Variants in GABRG3 observed in about 807,000 individuals in gnomAD.
GABRG3 encodes the protein gamma-aminobutyric acid type A receptor subunit gamma3.
GABRG3 carries 25 observed loss-of-function variants against 48.8 expected under a neutral mutation model. The ratio of observed to expected loss-of-function variants is 0.51; its 90% CI spans 0.37 to 0.72. The LOEUF (loss-of-function observed/expected upper bound fraction) is 0.72, where lower values mean the gene tolerates loss of function less well. GABRG3 is among the 30% of genes least tolerant of loss of function. The pLI is 0.00. For missense variants in GABRG3, 394 were observed against 577.9 expected, an observed-to-expected ratio of 0.68 and a Z score of 3.26; for synonymous variants, 227 against 217.6, an observed-to-expected ratio of 1.04 and a Z score of -0.38.
chr15:26,989,006 G>C (rs1369568121), intron 2 of GABRG3, among the ~76,000 whole-genome samples: 1 of 152,040 alleles, frequency 6.6e-6, no homozygotes, highest in Non-Finnish European at 1.5e-5. Context: ...CCATAATTTA[G>C]GTTTAGAACA....
At chr15:27,363,896 C>T (rs1895105600) in intron 5 of GABRG3, 1 of 152,148 alleles carries the variant, frequency 6.6e-6, no homozygotes, top group African/African-American at 2.4e-5. Flanking sequence ...AGTGTTTGAT[C>T]CTCTGGCCAT....
intron 3 of GABRG3, among the ~76,000 whole-genome samples, chr15:27,262,854 G>A (rs988737270): frequency 3.3e-5 from 5 of 152,286 alleles, no homozygotes; most frequent in Middle Eastern, 6.8e-3. Flanking sequence ...TGAGATAACA[G>A]AGAGTGCACT....
chr15:27,383,319 T>C (rs568556439), intron 5 of GABRG3, among the ~76,000 whole-genome samples: 1 of 152,356 alleles, frequency 6.6e-6, no homozygotes, highest in African/African-American at 2.4e-5. Flanking sequence ...AGGCCATTCT[T>C]TCGCTTGTTG....
At chr15:27,530,225 G>A (rs1891389785) in intron 9 of GABRG3, among the ~76,000 whole-genome samples, 1 of 152,174 alleles carries the variant, frequency 6.6e-6, no homozygotes, top group Admixed American at 6.5e-5. Context: ...CATGTCAAAT[G>A]CAAGGCTGAG....
At chr15:27,323,193 G>T (rs1403223524) in intron 3 of GABRG3, among the ~76,000 whole-genome samples, 1 of 152,144 alleles carries the variant, frequency 6.6e-6, no homozygotes, top group African/African-American at 2.4e-5. Context: ...TTAGTGGAGG[G>T]TCCTGTAATT....
At chr15:27,282,319 C>T (rs991234023) in intron 3 of GABRG3, among the ~76,000 whole-genome samples, 5 of 152,068 alleles carry the variant, frequency 3.3e-5, no homozygotes, top group Admixed American at 3.3e-4. Flanking sequence ...TTCTTCTCTC[C>T]TTTCTTGACT....
intron 5 of GABRG3, among the ~76,000 whole-genome samples, chr15:27,379,151 T>C (rs1213888086): frequency 6.6e-6 from 1 of 152,236 alleles, no homozygotes; most frequent in Non-Finnish European, 1.5e-5. Flanking sequence ...ACCTTTTCTT[T>C]TCTGCCTTTT....
In GABRG3 at chr15:27,380,763, GTTT is replaced by G. The variant is rs71132807; in HGVS notation, c.574+51891_574+51893del. Among the ~76,000 whole-genome samples, 142 of 115,186 alleles carry G rather than the reference GTTT, an allele frequency of 1.2e-3. 2 individuals carry two copies. Among genetic ancestry groups the G allele is most frequent in the African/African-American group, 4.2e-3 (128 of 30,800 alleles). The allele number at this position is 115,186 out of a possible 152,430, so 75.6% of individuals were successfully genotyped here. On this transcript the variant is annotated intron_variant, in intron 5 of 9. Transcript: ENST00000615808. ...TACGGGGGGAGAAGTGTTCTGTGTG[GTTT>G]TTTTTTTTTTTTTTTGAGACAGCGA...
At chr15:27,210,100 A>G (rs1889023371) in intron 3 of GABRG3, among the ~76,000 whole-genome samples, 1 of 152,208 alleles carries the variant, frequency 6.6e-6, no homozygotes. Flanking sequence ...AGTTTGGACC[A>G]TAACTATGGG....
At chr15:27,438,777 T>C (rs1364299968) in intron 5 of GABRG3, among the ~76,000 whole-genome samples, 1 of 152,202 alleles carries the variant, frequency 6.6e-6, no homozygotes, top group African/African-American at 2.4e-5. Context: ...TCAAAAATCA[T>C]CATGAGTACA....
intron 5 of GABRG3, among the ~76,000 whole-genome samples, chr15:27,463,666 T>C (rs1484805838): frequency 1.3e-5 from 2 of 152,110 alleles, no homozygotes; most frequent in African/African-American, 4.8e-5. Flanking sequence ...TGTGTCCATG[T>C]TTAGGATGTG....
intron 5 of GABRG3, among the ~76,000 whole-genome samples, chr15:27,384,393 A>G (rs1895862811): frequency 6.6e-6 from 1 of 152,194 alleles, no homozygotes; most frequent in South Asian, 2.1e-4. Flanking sequence ...CAGTCATCCT[A>G]TCACAAACCC....
At chr15:27,100,325 T>C (rs1897335000) in intron 3 of GABRG3, among the ~76,000 whole-genome samples, 1 of 152,128 alleles carries the variant, frequency 6.6e-6, no homozygotes, top group Non-Finnish European at 1.5e-5. Flanking sequence ...ATTAAGTAAT[T>C]GAATTAGTAA....
At chr15:27,157,640 G>C (rs1272148495) in intron 3 of GABRG3, 10 of 152,198 alleles carry the variant, frequency 6.6e-5, no homozygotes, top group African/African-American at 2.4e-5. Flanking sequence ...CACTGGGTAA[G>C]TTATCAGTCT....
At chr15:27,130,799 A>G (rs948925762) in intron 3 of GABRG3, among the ~76,000 whole-genome samples, 3 of 152,048 alleles carry the variant, frequency 2.0e-5, no homozygotes, top group African/African-American at 4.8e-5. Flanking sequence ...ATTGTTTCTT[A>G]ATTTTCTTTA....
In GABRG3 at chr15:27,420,285, A is replaced by G. The variant is rs1888071790; in HGVS notation, c.575-60365A>G. Among the ~76,000 whole-genome samples, 4 of 152,274 alleles carry G rather than the reference A, an allele frequency of 2.6e-5. 1 individual carries two copies. Among genetic ancestry groups the G allele is most frequent in the Non-Finnish European group, 2.9e-5 (2 of 68,048 alleles). ...CTAAGAAAAATGCAGGAAAAAGAAGAAAATATGCTATCAAATGTAGCCAAA... is the reference window on the plus strand; with the variant it reads ...CTAAGAAAAATGCAGGAAAAAGAAGGAAATATGCTATCAAATGTAGCCAAA... On this transcript the variant is annotated intron_variant, in intron 5 of 9. Coordinates refer to ENST00000615808, the MANE Select transcript of GABRG3 (RefSeq NM_033223.5).
intron 3 of GABRG3, among the ~76,000 whole-genome samples, chr15:27,282,281 A>G (rs573089880): frequency 1.3e-5 from 2 of 152,266 alleles, no homozygotes; most frequent in South Asian, 4.1e-4. Context: ...TCGGAAGTTT[A>G]ATTGAGTAAC....
intron 3 of GABRG3, among the ~76,000 whole-genome samples, chr15:27,203,945 AAGTT>A (rs1888771041): frequency 6.6e-6 from 1 of 151,854 alleles, no homozygotes; most frequent in Non-Finnish European, 1.5e-5. Flanking sequence ...AAGTTTCTGA[AAGTT>A]AGGCCTTTGT....
At chr15:27,248,803 C>CAGAGAG (rs1170812736) in intron 3 of GABRG3, among the ~76,000 whole-genome samples, 21 of 110,174 alleles carry the variant, frequency 1.9e-4, no homozygotes, top group African/African-American at 5.9e-4. Context: ...CACACACACA[C>CAGAGAG]AGAGAGAGAG....
Sources: gnomAD v4.1 joint callset for allele counts (sites outside exome capture counted in the v4.1 genomes callset) on GRCh38, gnomAD v4.1.1 for gene constraint, MANE v1.5 for transcripts, NCBI Gene and HGNC (gene_info 2026-07-23, HGNC 2026-07-21) for gene names.